Variants in TMEM266 observed in about 807,000 individuals in gnomAD.
The protein encoded by TMEM266 is transmembrane protein 266, also known as Hv1 related protein 1.
A neutral mutation model predicts 50.5 loss-of-function variants in TMEM266; 33 were observed. That is an observed-to-expected ratio of 0.65 (90% CI 0.50 to 0.87). The LOEUF (loss-of-function observed/expected upper bound fraction) is 0.87, where lower values mean the gene tolerates loss of function less well. Among genes scored for constraint, TMEM266 ranks in the 40% least tolerant of loss-of-function variants. The pLI is 0.00. For synonymous variants in TMEM266, 310 were observed against 292.3 expected (o/e 1.06, Z -0.62); for missense variants, 655 against 695.1 (o/e 0.94, Z 0.65).
intron 1 of TMEM266, among the ~76,000 whole-genome samples, chr15:76,108,515 G>T (rs2037120536): frequency 6.6e-6 from 1 of 152,210 alleles, no homozygotes; most frequent in Non-Finnish European, 1.5e-5. Context: ...GGGGTCTGAG[G>T]ATTTGCATTT....
chr15:76,175,881 C>A, intron 8 of TMEM266: 1 of 494,444 alleles, frequency 2.0e-6, no homozygotes, highest in African/African-American at 2.0e-5. Context: ...ATGGACTCAA[C>A]CCTGACTCCC....
At chr15:76,117,648 C>T (rs919933570) in intron 1 of TMEM266, among the ~76,000 whole-genome samples, 3 of 152,172 alleles carry the variant, frequency 2.0e-5, no homozygotes, top group Non-Finnish European at 4.4e-5. Flanking sequence ...GAAAGGACCA[C>T]TGAAGCTCTA....
chr15:76,179,593 A>AG (rs2038363594), intron 8 of TMEM266, among the ~76,000 whole-genome samples: 1 of 152,162 alleles, frequency 6.6e-6, no homozygotes, highest in East Asian at 1.9e-4. Flanking sequence ...TTTATACTGC[A>AG]GGCACAGACC....
Position 76,203,802 on chromosome 15 carries a change from G to A in TMEM266, c.1083G>A (p.Gln361=). The change falls in exon 11 of 11, where the codon CAG becomes CAA. Residue 361 remains glutamine (Q), a synonymous_variant. Transcript: ENST00000388942. Reference sequence around the variant, plus strand: ...CCACGGCCGCAATAGACATTCACCAGCCCAACATCTCCTCGGACCTCTTCT... The same window carrying A: ...CCACGGCCGCAATAGACATTCACCAACCCAACATCTCCTCGGACCTCTTCT... The A allele has an allele frequency of 6.2e-7, 1 of 1,614,178 alleles. No individual in the cohort carries two copies. Among genetic ancestry groups the A allele is most frequent in the Non-Finnish European group, 8.5e-7 (1 of 1,180,030 alleles).
intron 9 of TMEM266, among the ~76,000 whole-genome samples, chr15:76,199,395 G>C (rs907459462): frequency 1.3e-5 from 2 of 152,238 alleles, no homozygotes; most frequent in Non-Finnish European, 2.9e-5. Flanking sequence ...ACTGAGCCAG[G>C]ACTCAGGATG....
chr15:76,106,965 A>G (rs751468269), intron 1 of TMEM266, among the ~76,000 whole-genome samples: 1 of 152,076 alleles, frequency 6.6e-6, no homozygotes, highest in Non-Finnish European at 1.5e-5. Flanking sequence ...TCTCTTGGGT[A>G]TGAGTTGATG....
At chr15:76,151,976 G>A (rs897504712) in intron 3 of TMEM266, among the ~76,000 whole-genome samples, 1 of 152,156 alleles carries the variant, frequency 6.6e-6, no homozygotes, top group Admixed American at 6.5e-5. Flanking sequence ...TGTTCAGGAG[G>A]TCTGGTGTGC....
intron 1 of TMEM266, among the ~76,000 whole-genome samples, chr15:76,072,242 C>A (rs1170890008): frequency 2.0e-5 from 3 of 151,826 alleles, no homozygotes; most frequent in Admixed American, 1.3e-4. Flanking sequence ...AGTTCGAGAC[C>A]AGCCTGACCA....
At chr15:76,162,422 T>C (rs566806306) in intron 5 of TMEM266, among the ~76,000 whole-genome samples, 7 of 152,216 alleles carry the variant, frequency 4.6e-5, no homozygotes, top group Non-Finnish European at 7.4e-5. Flanking sequence ...ACTAGAAGGG[T>C]CTCATGGAGG....
chr15:76,153,109 T>A lies in TMEM266; in HGVS notation c.228-3495T>A. On this transcript the variant is annotated intron_variant, in intron 3 of 10. Coordinates refer to ENST00000388942, the MANE Select transcript of TMEM266 (RefSeq NM_152335.3). The surrounding 1 kb of genome is among the most constrained non-coding windows in gnomAD (Gnocchi z 4.2). Reference sequence around the variant, plus strand: ...CACCTCCTGCAGCTTCCTAACCACCTGATATGGTTAGTAAGTTTCTCTAAC... The same window carrying A: ...CACCTCCTGCAGCTTCCTAACCACCAGATATGGTTAGTAAGTTTCTCTAAC... Among the ~76,000 whole-genome samples the A allele has an allele frequency of 6.7e-6, 1 of 149,012 alleles. No homozygotes were observed. The highest frequency in any genetic ancestry group is 2.0e-4 in the East Asian group (1 of 5,100).
intron 10 of TMEM266, among the ~76,000 whole-genome samples, chr15:76,203,472 G>A (rs745849989): frequency 3.7e-4 from 57 of 152,190 alleles, no homozygotes; most frequent in Non-Finnish European, 4.6e-4. Context: ...GCCCAGAAGT[G>A]CCACAGGTCA....
chr15:76,192,346 G>T (rs1303251352), intron 9 of TMEM266, among the ~76,000 whole-genome samples, 189 bp downstream of exon 9: 2 of 149,638 alleles, frequency 1.3e-5, no homozygotes, highest in Non-Finnish European at 3.0e-5. Flanking sequence ...CCAGGAGAGA[G>T]CATGTAGTCC....
chr15:76,090,577 C>T (rs2036835566), intron 1 of TMEM266, among the ~76,000 whole-genome samples: 1 of 150,496 alleles, frequency 6.6e-6, no homozygotes, highest in Admixed American at 6.6e-5. Flanking sequence ...AGGAAAAGGG[C>T]AAAGGATGCA....
chr15:76,175,380 G>A (rs768439551), intron 7 of TMEM266, 179 bp from the exon 8 acceptor site: 157 of 579,026 alleles, frequency 2.7e-4, no homozygotes, highest in African/African-American at 9.6e-4. Flanking sequence ...CACCATGAGC[G>A]AAGGCTGTGG....
At chr15:76,178,015 G>A (rs1186710745) in intron 8 of TMEM266, among the ~76,000 whole-genome samples, 1 of 152,248 alleles carries the variant, frequency 6.6e-6, no homozygotes, top group South Asian at 2.1e-4. Flanking sequence ...AACAGTGTGG[G>A]GTGTGCGAGT....
intron 9 of TMEM266, among the ~76,000 whole-genome samples, chr15:76,200,969 C>T (rs533985208): frequency 2.0e-5 from 3 of 152,308 alleles, no homozygotes; most frequent in East Asian, 1.9e-4. Flanking sequence ...CTGGCTTCTG[C>T]AGCTCACAGG....
At chr15:76,064,354 A>G (rs2036370298) in intron 1 of TMEM266, among the ~76,000 whole-genome samples, 1 of 152,148 alleles carries the variant, frequency 6.6e-6, no homozygotes, top group Admixed American at 6.5e-5. Flanking sequence ...ACAGCCTGAG[A>G]TGTCTTTGGT....
intron 1 of TMEM266, among the ~76,000 whole-genome samples, chr15:76,063,329 C>T (rs999828611): frequency 6.6e-6 from 1 of 152,204 alleles, no homozygotes; most frequent in African/African-American, 2.4e-5. Context: ...GTCAGCATAG[C>T]TCAAACTCTG....
intron 9 of TMEM266, among the ~76,000 whole-genome samples, chr15:76,193,899 T>C (rs918248666): frequency 5.3e-5 from 8 of 152,244 alleles, no homozygotes; most frequent in Admixed American, 1.3e-4. Context: ...TCCAAGTTCT[T>C]GATGTACTGC....
Sources: allele counts gnomAD v4.1 joint callset (sites outside exome capture counted in the v4.1 genomes callset), GRCh38; gene constraint gnomAD v4.1.1; non-coding constraint Gnocchi (gnomAD v3.1); transcripts MANE v1.5; gene names NCBI Gene and HGNC (gene_info 2026-07-23, HGNC 2026-07-21).